Variants in SLC6A15 observed in about 807,000 individuals in gnomAD.
SLC6A15 encodes sodium-dependent neutral amino acid transporter B(0)AT2.
In SLC6A15, 33 loss-of-function variants were observed where a neutral mutation model predicts 68.5. The observed-to-expected ratio is 0.48, with a 90% CI of 0.37 to 0.64. SLC6A15 has a LOEUF of 0.64. Among genes scored for constraint, SLC6A15 ranks in the 30% least tolerant of loss-of-function variants. The pLI is 0.00. For synonymous variants in SLC6A15, 347 were observed against 301.0 expected, an observed-to-expected ratio of 1.15 and a Z score of -1.58; for missense variants, 747 against 874.3, an observed-to-expected ratio of 0.85 and a Z score of 1.84.
In SLC6A15 at chr12:84,870,595, A is replaced by C. The variant is rs775772946; in HGVS notation, c.1378T>G (p.Ser460Ala). The change falls in exon 9 of 12, where the codon TCA becomes GCA. Residue 460 changes from serine (S) to alanine (A), a missense_variant. Transcript: ENST00000266682. ...ACCAGCATGAGGAAAAACATCACTG[A>C]CCAGAAGGGAGATGCAGGAAAATGT... ...MTHFPASPFWSVMFFLMLVNL... is the reference protein window; with the variant it reads ...MTHFPASPFWAVMFFLMLVNL... The C allele has an allele frequency of 3.7e-6, 6 of 1,612,760 alleles. No individual in the cohort carries two copies. In the Admixed American group the frequency reaches 1.0e-4, roughly 27 times the overall value.
chr12:84,901,503 A>T (rs1872875796), intron 1 of SLC6A15, among the ~76,000 whole-genome samples: 1 of 151,814 alleles, frequency 6.6e-6, no homozygotes, highest in Non-Finnish European at 1.5e-5. Context: ...TATCTTGACC[A>T]GTCTTGCTAT....
chr12:84,863,742 A>G (rs1302862667), intron 10 of SLC6A15, 141 bp from the exon 11 acceptor site: 13 of 521,948 alleles, frequency 2.5e-5, no homozygotes, highest in Non-Finnish European at 2.1e-5. Flanking sequence ...TCCTCTTGGA[A>G]GATGACTATA....
chr12:84,889,521 T>C (rs567088035), intron 2 of SLC6A15, among the ~76,000 whole-genome samples: 3 of 139,918 alleles, frequency 2.1e-5, no homozygotes, highest in Admixed American at 1.4e-4. Context: ...AAAATAAAAA[T>C]AAAAATAAAA....
chr12:84,875,675 TATATATATATATATATATATATATGAG>T (rs1871491635), intron 6 of SLC6A15, among the ~76,000 whole-genome samples: 2 of 434 alleles, frequency 4.6e-3, no homozygotes, highest in Non-Finnish European at 8.3e-3. Context: ...TATATATATA[TATATATATATATATATATATATATGAG>T]AATCAAAAAC....
chr12:84,873,400 A>G, intron 6 of SLC6A15, 72 bp from the exon 7 acceptor site: 4 of 1,536,748 alleles, frequency 2.6e-6, no homozygotes, highest in South Asian at 2.5e-5. Flanking sequence ...TATGGAATTT[A>G]CTGTTTATGG....
At chr12:84,869,382 A>T (rs1871192993) in intron 9 of SLC6A15, among the ~76,000 whole-genome samples, 1 of 149,356 alleles carries the variant, frequency 6.7e-6, no homozygotes, top group Non-Finnish European at 1.5e-5. Context: ...GAATGGCGTG[A>T]ACCCGGGAGG....
chr12:84,881,431 A>G (rs377468735), intron 5 of SLC6A15: 1 of 984,444 alleles, frequency 1.0e-6, no homozygotes. Flanking sequence ...CTATTTGAAG[A>G]CTTTGATCAC....
intron 5 of SLC6A15, among the ~76,000 whole-genome samples, chr12:84,877,221 C>G (rs1316180029): frequency 3.9e-5 from 6 of 152,152 alleles, no homozygotes; most frequent in Non-Finnish European, 1.5e-5. Context: ...TAATAGGTCT[C>G]TAAAATATTT....
At chr12:84,879,451 G>A (rs1255499055) in intron 5 of SLC6A15, among the ~76,000 whole-genome samples, 1 of 151,504 alleles carries the variant, frequency 6.6e-6, no homozygotes, top group Non-Finnish European at 1.5e-5. Flanking sequence ...TCAGCCTCCC[G>A]AGTAGCTGGG....
rs189849840 is a variant in SLC6A15 at position 84,872,029 on chromosome 12, G to A, written c.1302+573C>T. The stretch of plus-strand genomic sequence containing the variant: ...AAAAATTAGCCAGGTGTGGTGGTAT[G>A]TGCCTGTAATCCCAGCTACTTGGGA... On this transcript the variant is annotated intron_variant, in intron 8 of 11. Coordinates refer to ENST00000266682, the MANE Select transcript of SLC6A15 (RefSeq NM_182767.6). 3.1e-4 allele frequency among the ~76,000 whole-genome samples: 47 copies of A among 152,040 alleles called. No individual in the cohort carries two copies. The East Asian group carries it at 8.4e-3, about 27-fold the overall frequency.
chr12:84,892,480 C>G (rs1480219092), intron 1 of SLC6A15, among the ~76,000 whole-genome samples, 172 bp from the exon 2 acceptor site: 2 of 152,114 alleles, frequency 1.3e-5, no homozygotes, highest in African/African-American at 4.8e-5. Flanking sequence ...TTTTAAAGCA[C>G]TTATGAGCTT....
rs1003280287 is a variant in SLC6A15 at position 84,861,044 on chromosome 12, C to T, written c.*588G>A. ...CTCTGAATCTCATCTTTCATCCCAG[C>T]GTTAGTGCCTTCTCATGCTTTGATT... On this transcript the variant is annotated 3_prime_UTR_variant, in exon 12 of 12. Coordinates refer to ENST00000266682, the MANE Select transcript of SLC6A15 (RefSeq NM_182767.6). The T allele has an allele frequency of 2.0e-5, 3 of 152,156 alleles. No homozygotes were observed. The highest frequency in any genetic ancestry group is 2.9e-5 in the Non-Finnish European group (2 of 68,028). The allele number at this position is 152,156 out of a possible 1,614,324, so 9.4% of individuals were successfully genotyped here. A position where few individuals can be genotyped will look rare whatever the true frequency, so the allele number is the denominator to read the frequency against.
chr12:84,884,635 T>G (rs1871999259), intron 4 of SLC6A15, among the ~76,000 whole-genome samples: 1 of 152,000 alleles, frequency 6.6e-6, no homozygotes, highest in South Asian at 2.1e-4. Flanking sequence ...ACAAATCAGG[T>G]TTATCACCCC....
At chr12:84,873,349 T>C (rs930543209) in intron 6 of SLC6A15, 21 bp from the exon 7 acceptor site, 4 of 1,606,692 alleles carry the variant, frequency 2.5e-6, no homozygotes, top group African/African-American at 1.3e-5. Context: ...ATAAACATAA[T>C]AGAATCAGCT....
At chr12:84,903,916 T>C (rs1231518941) in intron 1 of SLC6A15, among the ~76,000 whole-genome samples, 9 of 152,204 alleles carry the variant, frequency 5.9e-5, no homozygotes, top group Non-Finnish European at 1.2e-4. Context: ...TTTCTAAAAA[T>C]ATTAATTTAA....
At chr12:84,901,068 G>A (rs1489593606) in intron 1 of SLC6A15, among the ~76,000 whole-genome samples, 1 of 148,910 alleles carries the variant, frequency 6.7e-6, no homozygotes, top group African/African-American at 2.5e-5. Context: ...ATACGTATAT[G>A]TGTGTGTGTG....
At chr12:84,881,432 C>G (rs1303239701) in intron 5 of SLC6A15, 2 of 984,690 alleles carry the variant, frequency 2.0e-6, no homozygotes, top group Non-Finnish European at 2.4e-6. Context: ...TATTTGAAGA[C>G]TTTGATCACT....
At chr12:84,888,884 T>A (rs1297177932) in intron 2 of SLC6A15, among the ~76,000 whole-genome samples, 2 of 152,148 alleles carry the variant, frequency 1.3e-5, no homozygotes, top group Non-Finnish European at 2.9e-5. Flanking sequence ...TCCCACTCTT[T>A]TTTTGTCCCT....
rs779432944 is a variant in SLC6A15, at chr12:84,861,793, G to A, written c.2032C>T (p.His678Tyr). Residue 678 changes from histidine (H) to tyrosine (Y), a missense_variant, in exon 12 of 12, where the codon CAC becomes TAC. Coordinates refer to ENST00000266682, the MANE Select transcript of SLC6A15 (RefSeq NM_182767.6). ...GGCATCTCGCTCGGTATTTTTCCGTGAATGAGGCTTGTATCATCGCCCTCT... is the reference window on the plus strand; with the variant it reads ...GGCATCTCGCTCGGTATTTTTCCGTAAATGAGGCTTGTATCATCGCCCTCT... ...NLEGDDTSLI[H>Y]GKIPSEMPSP... The A allele has an allele frequency of 1.9e-6, 3 of 1,613,942 alleles. No individual in the cohort carries two copies. The highest frequency in any genetic ancestry group is 2.2e-5 in the East Asian group (1 of 44,866).
Sources: allele counts gnomAD v4.1 joint callset (sites outside exome capture counted in the v4.1 genomes callset), GRCh38; gene constraint gnomAD v4.1.1; transcripts MANE v1.5; gene names NCBI Gene and HGNC (gene_info 2026-07-23, HGNC 2026-07-21).